Variants in ANKRD28 observed in about 807,000 individuals in gnomAD.
ANKRD28 encodes the protein serine/threonine-protein phosphatase 6 regulatory ankyrin repeat subunit A.
ANKRD28 carries 44 observed loss-of-function variants against 126.5 expected under a neutral mutation model. The ratio of observed to expected loss-of-function variants is 0.35; its 90% CI spans 0.27 to 0.45. The LOEUF (loss-of-function observed/expected upper bound fraction) is 0.45. Among genes scored for constraint, ANKRD28 ranks in the 20% least tolerant of loss-of-function variants. The probability of loss-of-function intolerance (pLI) is 1.00; values close to 1 mark genes in which losing one functional copy is unlikely to be tolerated. For synonymous variants in ANKRD28, 442 were observed against 468.5 expected, an observed-to-expected ratio of 0.94 and a Z score of 0.73; for missense variants, 1,110 against 1,316.6, an observed-to-expected ratio of 0.84 and a Z score of 2.43.
At chr3:15,716,256 A>C (rs2073021227) in intron 8 of ANKRD28, among the ~76,000 whole-genome samples, 1 of 150,346 alleles carries the variant, frequency 6.7e-6, no homozygotes, top group Admixed American at 6.6e-5. Context: ...TGCTAGGATT[A>C]CAGGCATGAG....
At chr3:15,691,890 G>A (rs190373906) in intron 17 of ANKRD28, among the ~76,000 whole-genome samples, 1 of 152,232 alleles carries the variant, frequency 6.6e-6, no homozygotes, top group Non-Finnish European at 1.5e-5. Flanking sequence ...GCACTTTGGG[G>A]AGGCTGAGGT....
chr3:15,775,603 T>C (rs2059225617), intron 2 of ANKRD28, among the ~76,000 whole-genome samples: 1 of 152,230 alleles, frequency 6.6e-6, no homozygotes, highest in Non-Finnish European at 1.5e-5. Flanking sequence ...TTGATTAGTT[T>C]GCTAGAGGAG....
chr3:15,710,529 A>T (rs1468058925), intron 12 of ANKRD28, among the ~76,000 whole-genome samples: 1 of 152,128 alleles, frequency 6.6e-6, no homozygotes, highest in East Asian at 1.9e-4. Context: ...GGTTCAACGT[A>T]CTCGTCCTCT....
chr3:15,794,775 A>T (rs1473558948), intron 2 of ANKRD28, among the ~76,000 whole-genome samples: 3 of 152,316 alleles, frequency 2.0e-5, no homozygotes, highest in African/African-American at 7.2e-5. Context: ...ACAAAAAGCA[A>T]ATCTGATCTT....
At chr3:15,735,358 T>C in intron 6 of ANKRD28, 52 bp downstream of exon 6, 1 of 1,399,778 alleles carries the variant, frequency 7.1e-7, no homozygotes, top group Non-Finnish European at 9.8e-7. Context: ...ACTTGAAATG[T>C]ACAACTTTTC....
chr3:15,732,606 AACT>A (rs1041823675), intron 6 of ANKRD28: 1 of 152,238 alleles, frequency 6.6e-6, no homozygotes, highest in Admixed American at 6.5e-5. Context: ...AAGGGACATC[AACT>A]ACTATTACCT....
rs1179721222 is a variant in ANKRD28 at position 15,816,965 on chromosome 3, G to A, written c.28-21659C>T. On this transcript the variant is annotated intron_variant, in intron 1 of 27. Coordinates refer to the ANKRD28 transcript ENST00000399451. This position sits in a 1 kb window ranked among gnomAD's most constrained non-coding sequence, Gnocchi z 5.0. ...AATCCCAGCACTTTGGGAGGCCAAA[G>A]TGAGAGGATCACTTCAGCTCAGGAG... 2.6e-5 allele frequency among the ~76,000 whole-genome samples: 4 copies of A among 152,170 alleles called. No homozygotes were observed. Among genetic ancestry groups the A allele is most frequent in the Non-Finnish European group, 2.9e-5 (2 of 68,006 alleles).
chr3:15,734,155 T>C (rs2074851560), intron 6 of ANKRD28, among the ~76,000 whole-genome samples: 1 of 152,232 alleles, frequency 6.6e-6, no homozygotes, highest in Admixed American at 6.5e-5. Context: ...GGGTTCCCCA[T>C]GGCTGACTAT....
intron 6 of ANKRD28, among the ~76,000 whole-genome samples, chr3:15,725,642 ATT>A (rs1336512408): frequency 1.3e-5 from 2 of 152,088 alleles, no homozygotes; most frequent in Admixed American, 6.6e-5. Flanking sequence ...TCTTGCCAAT[ATT>A]TCAAACTTTT....
At chr3:15,747,209 T>G (rs2057533594) in intron 4 of ANKRD28, among the ~76,000 whole-genome samples, 1 of 151,886 alleles carries the variant, frequency 6.6e-6, no homozygotes. Context: ...TCTGCTCTGA[T>G]CTTCATTATT....
chr3:15,760,816 C>T (rs983173070), intron 3 of ANKRD28, among the ~76,000 whole-genome samples: 1 of 152,126 alleles, frequency 6.6e-6, no homozygotes, highest in African/African-American at 2.4e-5. Flanking sequence ...GAAGCCAAAG[C>T]CAGAGAATCA....
chr3:15,767,700 TAAAAAAAAAAAAAAAAAAAAAAAAAAA>T (rs57072807), intron 2 of ANKRD28, among the ~76,000 whole-genome samples: 26,211 of 64,520 alleles, frequency 0.41, 3,734 homozygotes, highest in Middle Eastern at 0.55. Flanking sequence ...TAGTCTCTAC[TAAAAAAAAAAAAAAAAAAAAAAAAAAA>T]AAAAAAAAAA....
chr3:15,745,191 G>A (rs2057395514), intron 4 of ANKRD28, among the ~76,000 whole-genome samples: 1 of 152,134 alleles, frequency 6.6e-6, no homozygotes, highest in African/African-American at 2.4e-5. Context: ...AGTTGTTAAT[G>A]CTGCTGATTG....
rs147034845 is a variant in ANKRD28 at position 15,811,481 on chromosome 3, G to A, written c.28-16175C>T. 2.9e-3 allele frequency among the ~76,000 whole-genome samples: 447 copies of A among 152,028 alleles called. 1 individual carries two copies. The highest frequency in any genetic ancestry group is 0.011 in the African/African-American group (437 of 41,456). ...CAATTTTTCTTTATTTTGAGATAGA[G>A]TCTTGCTCTGTTGCCCAGGCTGGAG... is the stretch of plus-strand genomic sequence containing the variant. On this transcript the variant is annotated intron_variant, in intron 1 of 27. Coordinates refer to the ANKRD28 transcript ENST00000399451.
chr3:15,798,046 C>T (rs557076056), upstream of ANKRD28: 307 of 985,354 alleles, frequency 3.1e-4, 1 homozygote, highest in African/African-American at 5.1e-3. Context: ...ACAGCCTTCA[C>T]AATTAGAAGG....
intron 2 of ANKRD28, among the ~76,000 whole-genome samples, chr3:15,770,119 T>C (rs77897375): frequency 2.0e-5 from 3 of 151,936 alleles, no homozygotes; most frequent in Admixed American, 1.3e-4. Context: ...ACTTGCCATA[T>C]AGGTTGTAGA....
At chr3:15,811,975 A>G (rs944145742) in intron 1 of ANKRD28, among the ~76,000 whole-genome samples, 10 of 151,820 alleles carry the variant, frequency 6.6e-5, no homozygotes, top group Admixed American at 5.9e-4. Flanking sequence ...CAACACAGCA[A>G]AACCCTATCT....
chr3:15,778,710 C>T (rs2059409072), intron 2 of ANKRD28, among the ~76,000 whole-genome samples: 1 of 152,138 alleles, frequency 6.6e-6, no homozygotes, highest in African/African-American at 2.4e-5. Flanking sequence ...ATCTCACTTA[C>T]CTAGAGTCAG....
At chr3:15,672,253 C>CCCACCTCAG (rs894287983) in intron 27 of ANKRD28, among the ~76,000 whole-genome samples, 4 of 151,948 alleles carry the variant, frequency 2.6e-5, no homozygotes, top group Non-Finnish European at 5.9e-5. Context: ...AAGTGATCCT[C>CCCACCTCAG]CCACCTCAGC....
Sources: allele counts gnomAD v4.1 joint callset (sites outside exome capture counted in the v4.1 genomes callset), GRCh38; gene constraint gnomAD v4.1.1; non-coding constraint Gnocchi (gnomAD v3.1); transcripts MANE v1.5; gene names NCBI Gene and HGNC (gene_info 2026-07-23, HGNC 2026-07-21).